The following CRLF3 variants were observed in gnomAD, a reference collection of about 807,000 sequenced individuals.
CRLF3 encodes cytokine receptor like factor 3.
Under a neutral mutation model 55.0 loss-of-function variants are expected in CRLF3, and 33 were observed. The observed-to-expected ratio is 0.60, with a 90% CI of 0.46 to 0.80. The LOEUF is 0.80. CRLF3 is among the 30% of genes least tolerant of loss of function. The probability of loss-of-function intolerance (pLI) is 0.00; values close to 1 mark genes in which losing one functional copy is unlikely to be tolerated. For missense variants in CRLF3, 494 were observed against 538.4 expected (o/e 0.92, Z 0.82); for synonymous variants, 238 against 196.8 (o/e 1.21, Z -1.75).
Position 30,821,801 on chromosome 17 carries a change from G to T in CRLF3, c.129+2722C>A, listed in dbSNP as rs368748841. ...TGACAGCTAAGGAGTTCTTTTGGGG[G>T]TGATGAATATATACTTGAATTAGAC... On this transcript the variant is annotated intron_variant, in intron 1 of 7. Transcript: ENST00000324238. Among the ~76,000 whole-genome samples, 26 of 152,060 alleles carry T rather than the reference G, an allele frequency of 1.7e-4. No homozygotes were observed. The East Asian group carries it at 2.7e-3, about 16-fold the overall frequency.
At chr17:30,788,325 C>CA (rs780693808) in intron 6 of CRLF3, among the ~76,000 whole-genome samples, 29,901 of 118,194 alleles carry the variant, frequency 0.25, 3,894 homozygotes, top group African/African-American at 0.39. Flanking sequence ...GACTTTGTCT[C>CA]AAAAAAAAAA....
chr17:30,792,036 T>G (rs1971813203), intron 6 of CRLF3, among the ~76,000 whole-genome samples: 1 of 151,988 alleles, frequency 6.6e-6, no homozygotes, highest in Middle Eastern at 3.2e-3. Context: ...TTAGTAGAGA[T>G]GGGGTTTCTC....
chr17:30,813,167 A>G (rs545242677), intron 1 of CRLF3, among the ~76,000 whole-genome samples: 8 of 152,352 alleles, frequency 5.3e-5, no homozygotes, highest in African/African-American at 1.7e-4. Flanking sequence ...ATACACGCTT[A>G]ATTCTTGATT....
intron 3 of CRLF3, 77 bp downstream of exon 3, chr17:30,797,234 T>C (rs1361484282): frequency 2.0e-6 from 2 of 1,007,058 alleles, no homozygotes; most frequent in Admixed American, 3.5e-5. Context: ...TTAATGAGAA[T>C]CTTGAACAGA....
chr17:30,793,450 C>G lies in CRLF3; in HGVS notation c.826G>C (p.Glu276Gln). The G allele has an allele frequency of 6.2e-7, 1 of 1,612,462 alleles. No homozygotes were observed. Among genetic ancestry groups the G allele is most frequent in the Non-Finnish European group, 8.5e-7 (1 of 1,178,586 alleles). Residue 276 changes from glutamate to glutamine, a missense_variant and splice_region_variant, in exon 5 of 8, where the codon GAG (glutamate) becomes CAG (glutamine). Glu to Gln is a conservative substitution (Grantham distance 29, BLOSUM62 2). Coordinates refer to ENST00000324238, the MANE Select transcript of CRLF3 (RefSeq NM_015986.4). ...QIGHSTLVPH[E>Q]WTAGFEGYSL... is the part of the protein sequence containing the mutation. ...AGGAGAGAAAAGGTTAGCAGCATAC[C>G]ATGAGGCACCAATGTGGAATGACCT... is the stretch of plus-strand genomic sequence containing the variant.
At chr17:30,808,609 T>A (rs1421439276) in intron 1 of CRLF3, among the ~76,000 whole-genome samples, 2 of 147,286 alleles carry the variant, frequency 1.4e-5, no homozygotes, top group Non-Finnish European at 3.0e-5. Flanking sequence ...TATATATATT[T>A]TTTTTTTGAG....
intron 1 of CRLF3, among the ~76,000 whole-genome samples, chr17:30,807,250 G>C (rs1054862334): frequency 6.6e-6 from 1 of 151,586 alleles, no homozygotes; most frequent in Non-Finnish European, 1.5e-5. Context: ...CTCTTATCAA[G>C]AAAGTTTAAA....
intron 1 of CRLF3, among the ~76,000 whole-genome samples, chr17:30,818,214 T>C (rs1036545217): frequency 6.0e-5 from 9 of 151,256 alleles, no homozygotes; most frequent in Non-Finnish European, 1.0e-4. Context: ...GAGCCAAGAT[T>C]GAGCCATTGC....
intron 5 of CRLF3, 145 bp from the exon 6 acceptor site, chr17:30,792,717 G>T: frequency 1.6e-6 from 1 of 635,786 alleles, no homozygotes; most frequent in South Asian, 2.7e-5. Flanking sequence ...CCATTAACAG[G>T]GTATCATGAT....
At chr17:30,785,848 C>T in intron 7 of CRLF3, 71 bp downstream of exon 7, 1 of 807,812 alleles carries the variant, frequency 1.2e-6, no homozygotes, top group East Asian at 2.6e-5. Flanking sequence ...ATGTATGGAA[C>T]TGGAACAGAT....
At chr17:30,793,419 G>A (rs752651126) in intron 5 of CRLF3, 31 bp downstream of exon 5, 2 of 1,542,294 alleles carry the variant, frequency 1.3e-6, no homozygotes, top group South Asian at 1.1e-5. Flanking sequence ...TATATAGTTA[G>A]GCTTCAGGAG....
In CRLF3 at chr17:30,793,298, G is replaced by C. The variant is rs534867298; in HGVS notation, c.826+152C>G. On this transcript the variant is annotated intron_variant, in intron 5 of 7. Transcript: ENST00000324238. ...ACTGATGAAAACAAAAATCACATGA[G>C]GTAATCTGAGTAAAAGACATGGTGC... 7.2e-4 allele frequency: 431 copies of C among 597,370 alleles called. 3 individuals are homozygous for C. The highest frequency in any genetic ancestry group is 7.1e-3 in the African/African-American group (385 of 53,984). 37.0% of individuals were successfully genotyped at this position (597,370 alleles called of 1,614,324 possible).
Position 30,824,614 on chromosome 17 carries a change from A to C in CRLF3, c.38T>G (p.Leu13Trp). 1 of 1,605,640 alleles carries C rather than the reference A, an allele frequency of 6.2e-7. No homozygotes were observed. The highest frequency in any genetic ancestry group is 8.5e-7 in the Non-Finnish European group (1 of 1,179,246). ...GAMELEPELL[L>W]QEARENVEAA... ...CTCCACGTTCTCGCGGGCCTCCTGC[A>C]ACAGCAGCTCAGGCTCCAGCTCCAT... Residue 13 changes from leucine (L) to tryptophan (W), a missense_variant, in exon 1 of 8, where the codon TTG (leucine) becomes TGG (tryptophan). Physicochemically the swap from Leu to Trp is moderately conservative, Grantham distance 61. Transcript: ENST00000324238.
chr17:30,800,242 CTT>C (rs1971985595), intron 2 of CRLF3, among the ~76,000 whole-genome samples: 1 of 152,160 alleles, frequency 6.6e-6, no homozygotes, highest in African/African-American at 2.4e-5. Flanking sequence ...TTCATCTGCT[CTT>C]CTCACATTAC....
chr17:30,784,353 G>T lies in CRLF3; in HGVS notation c.1163C>A (p.Thr388Asn), dbSNP rs779846248. 6 of 1,614,052 alleles carry T rather than the reference G, an allele frequency of 3.7e-6. No individual in the cohort carries two copies. The change falls in exon 8 of 8, where the codon ACT becomes AAT. Residue 388 changes from threonine to asparagine, a missense_variant. Physicochemically the swap from Thr to Asn is moderately conservative, Grantham distance 65. Transcript: ENST00000324238. ...STVTFDIEAV[T>N]LGTTSNNEGG... is the part of the protein sequence containing the mutation. ...TTCATTATTACTGGTGGTTCCTAGA[G>T]TCACGGCTTCAATGTCAAACGTGAC...
At chr17:30,812,071 G>A (rs999253897) in intron 1 of CRLF3, among the ~76,000 whole-genome samples, 1 of 151,334 alleles carries the variant, frequency 6.6e-6, no homozygotes, top group Non-Finnish European at 1.5e-5. Flanking sequence ...GATTGCGCCA[G>A]TGCACTCCAG....
At chr17:30,797,775 G>GT (rs747340532) in intron 2 of CRLF3, among the ~76,000 whole-genome samples, 14,470 of 128,088 alleles carry the variant, frequency 0.11, 2,362 homozygotes, top group African/African-American at 0.37. Context: ...GGGATAGGGT[G>GT]TTTTTTTTTT....
At chr17:30,788,730 C>T (rs967515971) in intron 6 of CRLF3, among the ~76,000 whole-genome samples, 8 of 150,804 alleles carry the variant, frequency 5.3e-5, no homozygotes, top group African/African-American at 2.0e-4. Context: ...GCCTCAGCCT[C>T]CTGAGTAGCT....
chr17:30,802,936 G>A (rs1411218467), intron 2 of CRLF3, among the ~76,000 whole-genome samples: 2 of 151,954 alleles, frequency 1.3e-5, no homozygotes, highest in Non-Finnish European at 2.9e-5. Flanking sequence ...AGGCCAAGAT[G>A]AGAAGATTGC....
Sources: allele counts gnomAD v4.1 joint callset (sites outside exome capture counted in the v4.1 genomes callset), GRCh38; gene constraint gnomAD v4.1.1; transcripts MANE v1.5; gene names NCBI Gene and HGNC (gene_info 2026-07-23, HGNC 2026-07-21).